EEF1G: variants seen among roughly 807,000 people sequenced by gnomAD.
The protein encoded by EEF1G is eukaryotic translation elongation factor 1 gamma.
Under a neutral mutation model 58.3 loss-of-function variants are expected in EEF1G, and 14 were observed. That is an observed-to-expected ratio of 0.24 (90% CI 0.16 to 0.38). The LOEUF (loss-of-function observed/expected upper bound fraction) is 0.38. Ranked by LOEUF, EEF1G falls within the 10% of genes least tolerant of loss-of-function variation. The pLI, the probability that EEF1G is intolerant of heterozygous loss-of-function variation, is 1.00. For missense variants in EEF1G, 322 were observed against 550.1 expected (o/e 0.59, Z 4.15); for synonymous variants, 180 against 206.8 (o/e 0.87, Z 1.11).
At chr11:62,571,362 GAC>G (rs1941628706) in intron 4 of EEF1G, among the ~76,000 whole-genome samples, 176 bp downstream of exon 4, 1 of 152,168 alleles carries the variant, frequency 6.6e-6, no homozygotes, top group African/African-American at 2.4e-5. Flanking sequence ...GATCACTCAT[GAC>G]AGACACTTCC....
intron 7 of EEF1G, 107 bp downstream of exon 7, chr11:62,566,699 A>T: frequency 9.4e-7 from 1 of 1,068,518 alleles, no homozygotes; most frequent in Non-Finnish European, 1.4e-6. Flanking sequence ...CTTTAACTTT[A>T]TATGGACAAC....
At chr11:62,572,563 G>A (rs779350034) in intron 2 of EEF1G, 21 bp downstream of exon 2, 39 of 1,611,584 alleles carry the variant, frequency 2.4e-5, no homozygotes, top group Non-Finnish European at 3.3e-5. Flanking sequence ...ACCGAAGGAT[G>A]CTCCCCATCT....
intron 5 of EEF1G, among the ~76,000 whole-genome samples, chr11:62,568,710 C>A (rs1042722010): frequency 6.6e-6 from 1 of 152,086 alleles, no homozygotes; most frequent in Non-Finnish European, 1.5e-5. Flanking sequence ...CGGTGGCTCA[C>A]GCCTATAATC....
intron 7 of EEF1G, among the ~76,000 whole-genome samples, chr11:62,566,576 G>C (rs1268566957): frequency 6.6e-6 from 1 of 152,218 alleles, no homozygotes; most frequent in African/African-American, 2.4e-5. Context: ...GTTGGAATAG[G>C]AGTTCAATCT....
intron 5 of EEF1G, among the ~76,000 whole-genome samples, chr11:62,569,720 T>C (rs532740455): frequency 6.6e-6 from 1 of 152,228 alleles, no homozygotes; most frequent in East Asian, 1.9e-4. Flanking sequence ...AGTACTTGGG[T>C]TCAAATTCTA....
chr11:62,561,158 C>A (rs553627840), intron 7 of EEF1G, among the ~76,000 whole-genome samples: 104 of 152,290 alleles, frequency 6.8e-4, no homozygotes, highest in African/African-American at 2.3e-3. Context: ...GTAATCCCAG[C>A]ACTTTGGGAG....
intron 7 of EEF1G, 129 bp from the exon 8 acceptor site, chr11:62,560,583 G>T: frequency 9.6e-7 from 1 of 1,045,554 alleles, no homozygotes; most frequent in African/African-American, 1.6e-5. Flanking sequence ...AGATGTGTAT[G>T]ACCTTATGAG....
intron 7 of EEF1G, among the ~76,000 whole-genome samples, chr11:62,564,356 C>T (rs1036130307): frequency 3.3e-5 from 5 of 150,198 alleles, no homozygotes; most frequent in Non-Finnish European, 7.4e-5. Context: ...CCCAGCTACT[C>T]GGGAGGCTGA....
chr11:62,567,666 T>A (rs769382979), intron 5 of EEF1G, 138 bp from the exon 6 acceptor site: 2 of 793,702 alleles, frequency 2.5e-6, no homozygotes, highest in African/African-American at 1.8e-5. Flanking sequence ...TCATACAACA[T>A]CATCCTTCCC....
intron 1 of EEF1G, 72 bp downstream of exon 1, chr11:62,573,759 C>A (rs376137209): frequency 6.2e-7 from 1 of 1,607,112 alleles, no homozygotes; most frequent in Non-Finnish European, 8.5e-7. Flanking sequence ...TCCTCTGGCG[C>A]CGACTGGCCC....
At position 62,571,126 on chromosome 11, in the gene EEF1G, T is replaced by C. The variant is rs778663635; in HGVS notation, c.379-18A>G. On this transcript the variant is annotated intron_variant, in intron 4 of 9. Transcript: ENST00000329251. Reference sequence around the variant, plus strand: ...TCAGTGGCCTAGTGATTCAACATGATAAAACTCATCAGTGGGTACCAATCC... The same window carrying C: ...TCAGTGGCCTAGTGATTCAACATGACAAAACTCATCAGTGGGTACCAATCC... The C allele has an allele frequency of 1.4e-5, 22 of 1,613,696 alleles. No homozygotes were observed. The highest frequency in any genetic ancestry group is 2.2e-5 in the South Asian group (2 of 91,080).
intron 7 of EEF1G, among the ~76,000 whole-genome samples, chr11:62,563,220 G>A (rs931264531): frequency 6.6e-6 from 1 of 152,048 alleles, no homozygotes; most frequent in Non-Finnish European, 1.5e-5. Flanking sequence ...TCCGCCTCCT[G>A]GGTTCACGCC....
At chr11:62,572,037 C>A in intron 2 of EEF1G, 136 bp from the exon 3 acceptor site, 1 of 757,500 alleles carries the variant, frequency 1.3e-6, no homozygotes, top group Non-Finnish European at 2.2e-6. Context: ...TACTCAAGAA[C>A]CATAAATAAA....
intron 4 of EEF1G, 127 bp from the exon 5 acceptor site, chr11:62,571,235 G>T (rs189045620): frequency 9.2e-5 from 131 of 1,428,034 alleles, no homozygotes; most frequent in Admixed American, 2.5e-4. Context: ...TCTTTCAATG[G>T]AGGCAGATCC....
intron 9 of EEF1G, 94 bp downstream of exon 9, chr11:62,559,975 C>G: frequency 1.2e-6 from 2 of 1,606,294 alleles, no homozygotes; most frequent in Non-Finnish European, 1.7e-6. Context: ...CATTCCTGAA[C>G]CCTCCTAAAC....
At chr11:62,569,598 G>A (rs921348384) in intron 5 of EEF1G, among the ~76,000 whole-genome samples, 2 of 152,232 alleles carry the variant, frequency 1.3e-5, no homozygotes, top group Non-Finnish European at 2.9e-5. Context: ...TCAGTTTTCA[G>A]TTTGCAAAGC....
intron 5 of EEF1G, 119 bp downstream of exon 5, chr11:62,570,846 G>A: frequency 1.4e-6 from 2 of 1,397,090 alleles, no homozygotes; most frequent in Non-Finnish European, 2.0e-6. Context: ...ATGAGCCACT[G>A]CACCCACCTC....
intron 4 of EEF1G, 122 bp downstream of exon 4, chr11:62,571,418 C>T (rs2134296821): frequency 2.1e-6 from 3 of 1,400,332 alleles, no homozygotes; most frequent in Non-Finnish European, 1.9e-6. Context: ...CTAGAGATTA[C>T]GTCTTCTCAT....
intron 7 of EEF1G, among the ~76,000 whole-genome samples, chr11:62,564,257 G>A (rs186569146): frequency 6.6e-6 from 1 of 152,228 alleles, no homozygotes; most frequent in African/African-American, 2.4e-5. Flanking sequence ...GAGGTCAGGA[G>A]TTTGAGACCA....
Sources: gnomAD v4.1 joint callset for allele counts (sites outside exome capture counted in the v4.1 genomes callset) on GRCh38, gnomAD v4.1.1 for gene constraint, MANE v1.5 for transcripts, NCBI Gene and HGNC (gene_info 2026-07-23, HGNC 2026-07-21) for gene names.